Variants in TLN2 observed in about 807,000 individuals in gnomAD.
The protein encoded by TLN2 is talin-2.
In TLN2, 118 loss-of-function variants were observed where a neutral mutation model predicts 294.7. The ratio of observed to expected loss-of-function variants is 0.40; its 90% CI spans 0.34 to 0.47. The LOEUF (loss-of-function observed/expected upper bound fraction) is 0.47, where lower values mean the gene tolerates loss of function less well. TLN2 is among the 20% of genes least tolerant of loss of function. The probability of loss-of-function intolerance (pLI) is 0.84; values close to 1 mark genes in which losing one functional copy is unlikely to be tolerated. For missense variants in TLN2, 3,083 were observed against 3,282.2 expected (o/e 0.94, Z 1.48); for synonymous variants, 1,431 against 1,304.5 (o/e 1.10, Z -2.09).
chr15:62,466,899 G>A (rs1011917913), intron 1 of TLN2, among the ~76,000 whole-genome samples: 1 of 152,196 alleles, frequency 6.6e-6, no homozygotes, highest in Non-Finnish European at 1.5e-5. Flanking sequence ...GGCTGTGAAT[G>A]GGGACAAACT....
chr15:62,768,970 G>T (rs1185501897), intron 41 of TLN2, among the ~76,000 whole-genome samples: 1 of 152,178 alleles, frequency 6.6e-6, no homozygotes, highest in East Asian at 1.9e-4. Flanking sequence ...TTCTCAGTAA[G>T]GAATTGGCAG....
intron 12 of TLN2, among the ~76,000 whole-genome samples, chr15:62,688,492 T>G (rs560795451): frequency 1.3e-5 from 2 of 152,192 alleles, no homozygotes; most frequent in Admixed American, 1.3e-4. Flanking sequence ...TCATGTAAAG[T>G]GGGCTCTATA....
At chr15:62,593,425 A>C (rs146737988) in intron 2 of TLN2, among the ~76,000 whole-genome samples, 61 of 152,264 alleles carry the variant, frequency 4.0e-4, no homozygotes, top group African/African-American at 1.4e-3. Flanking sequence ...GCTATTTTTC[A>C]TAATTAAACT....
intron 7 of TLN2, 116 bp downstream of exon 7, chr15:62,653,430 A>T (rs2052828142): frequency 7.7e-7 from 1 of 1,291,584 alleles, no homozygotes; most frequent in Non-Finnish European, 1.0e-6. Context: ...TTAAAACTCT[A>T]TTTTAAAAAA....
intron 12 of TLN2, among the ~76,000 whole-genome samples, chr15:62,692,308 G>A (rs921434520): frequency 6.6e-6 from 1 of 152,160 alleles, no homozygotes; most frequent in Non-Finnish European, 1.5e-5. Flanking sequence ...GCTTTACTGT[G>A]GCTGCTGCAG....
intron 1 of TLN2, among the ~76,000 whole-genome samples, chr15:62,478,781 G>A (rs1026623281): frequency 1.3e-5 from 2 of 152,168 alleles, no homozygotes; most frequent in African/African-American, 4.8e-5. Context: ...GAGTTATTTC[G>A]TCTATTTTGT....
At chr15:62,463,111 T>C (rs2036906579) in intron 1 of TLN2, among the ~76,000 whole-genome samples, 2 of 152,164 alleles carry the variant, frequency 1.3e-5, no homozygotes, top group African/African-American at 4.8e-5. Flanking sequence ...TTTGGATGTT[T>C]TTCTAGTGTA....
At chr15:62,445,899 A>G (rs2140312090) in intron 1 of TLN2, among the ~76,000 whole-genome samples, 1 of 152,234 alleles carries the variant, frequency 6.6e-6, no homozygotes. Flanking sequence ...CCTGGGCTCA[A>G]GGGATCCTCC....
intron 1 of TLN2, among the ~76,000 whole-genome samples, chr15:62,544,634 C>G (rs1383577985): frequency 6.6e-6 from 1 of 152,170 alleles, no homozygotes; most frequent in African/African-American, 2.4e-5. Context: ...TTATCTGCCA[C>G]TGCGCCATCC....
intron 36 of TLN2, 72 bp from the exon 37 acceptor site, chr15:62,755,460 G>A (rs1009706484): frequency 1.3e-6 from 2 of 1,527,740 alleles, no homozygotes; most frequent in Non-Finnish European, 1.8e-6. Flanking sequence ...CAGGAACCCA[G>A]GGCTGAGGAC....
intron 47 of TLN2, among the ~76,000 whole-genome samples, chr15:62,796,904 T>G (rs1363863947): frequency 2.0e-5 from 3 of 152,046 alleles, no homozygotes; most frequent in Middle Eastern, 3.4e-3. Flanking sequence ...ACAGTGGGAG[T>G]CACAGAAAAG....
At position 62,431,998 on chromosome 15, in the gene TLN2, G is replaced by C. The variant is rs909767276; in HGVS notation, c.-238+41313G>C. ...TTCTGGAACGCTCCTTGGAAAGGAC[G>C]TGTTGCTCTTTTAGCTCCTGAATGC... is the stretch of plus-strand genomic sequence containing the variant. On this transcript the variant is annotated intron_variant, in intron 1 of 58. Transcript: ENST00000636159. 5.9e-5 allele frequency among the ~76,000 whole-genome samples: 9 copies of C among 152,268 alleles called. 1 individual carries two copies. The South Asian group carries it at 1.9e-3, about 32-fold the overall frequency.
intron 42 of TLN2, among the ~76,000 whole-genome samples, chr15:62,772,210 G>A (rs2063389526): frequency 6.6e-6 from 1 of 152,086 alleles, no homozygotes; most frequent in Admixed American, 6.6e-5. Flanking sequence ...TCCCCATTTA[G>A]CCTCCCAAGT....
At chr15:62,727,899 G>A (rs1595806164) in intron 28 of TLN2, among the ~76,000 whole-genome samples, 1 of 134,812 alleles carries the variant, frequency 7.4e-6, no homozygotes, top group Non-Finnish European at 1.6e-5. Flanking sequence ...AGGGTGAAGA[G>A]GGGAGGAGTG....
At chr15:62,423,876 G>A (rs1052435726) in intron 1 of TLN2, among the ~76,000 whole-genome samples, 6 of 152,140 alleles carry the variant, frequency 3.9e-5, no homozygotes, top group Admixed American at 3.3e-4. Flanking sequence ...AACCGTGCCC[G>A]GCCTGAAATT....
At chr15:62,777,381 A>G (rs1396316522) in intron 43 of TLN2, among the ~76,000 whole-genome samples, 3 of 152,124 alleles carry the variant, frequency 2.0e-5, no homozygotes, top group African/African-American at 7.2e-5. Context: ...TACTAAAAAT[A>G]CAAAATTAGC....
intron 1 of TLN2, among the ~76,000 whole-genome samples, chr15:62,413,658 CA>C (rs2033910009): frequency 1.3e-5 from 2 of 152,136 alleles, no homozygotes; most frequent in South Asian, 4.1e-4. Flanking sequence ...GACAGGTGCA[CA>C]TTAAGTTTTT....
intron 9 of TLN2, among the ~76,000 whole-genome samples, chr15:62,667,169 T>C (rs1033629524): frequency 7.2e-5 from 11 of 152,110 alleles, no homozygotes; most frequent in Non-Finnish European, 1.5e-4. Context: ...GGTTTCACCA[T>C]GTTAGCCAGG....
chr15:62,617,266 T>C (rs2048384234), intron 2 of TLN2, among the ~76,000 whole-genome samples: 2 of 152,006 alleles, frequency 1.3e-5, no homozygotes, highest in Admixed American at 6.6e-5. Flanking sequence ...CATGTCTGTT[T>C]TGTCACCTCT....
Sources: gnomAD v4.1 joint callset for allele counts (sites outside exome capture counted in the v4.1 genomes callset) on GRCh38, gnomAD v4.1.1 for gene constraint, MANE v1.5 for transcripts, NCBI Gene and HGNC (gene_info 2026-07-23, HGNC 2026-07-21) for gene names.